CA4: variants seen among roughly 807,000 people sequenced by gnomAD.
CA4 encodes the protein carbonic anhydrase 4.
A neutral mutation model predicts 34.5 loss-of-function variants in CA4; 24 were observed. That is an observed-to-expected ratio of 0.70 (90% CI 0.50 to 0.98). The LOEUF (loss-of-function observed/expected upper bound fraction) is 0.98. Ranked by LOEUF, CA4 falls within the 50% of genes least tolerant of loss-of-function variation. CA4 has a pLI of 0.00. For synonymous variants in CA4, 178 were observed against 170.6 expected, an observed-to-expected ratio of 1.04 and a Z score of -0.34; for missense variants, 394 against 396.7, an observed-to-expected ratio of 0.99 and a Z score of 0.06.
chr17:60,163,787 AG>A (rs2083822356), downstream of CA4, among the ~76,000 whole-genome samples: 1 of 151,806 alleles, frequency 6.6e-6, no homozygotes, highest in Non-Finnish European at 1.5e-5. Flanking sequence ...AGCAGGACAC[AG>A]GGAAGGGATG....
At chr17:60,163,651 A>G (rs1733182703), downstream of CA4, among the ~76,000 whole-genome samples, 2 of 152,260 alleles carry the variant, frequency 1.3e-5, no homozygotes, top group African/African-American at 4.8e-5. Flanking sequence ...CTTCCTTTGG[A>G]GAAGAGCTGC....
chr17:60,168,950 T>A (rs1169170530), intron 5 of CA4, among the ~76,000 whole-genome samples: 2 of 152,086 alleles, frequency 1.3e-5, no homozygotes, highest in African/African-American at 4.8e-5. Context: ...ACAGCCAGTG[T>A]GGAAGCAGAT....
At position 60,159,427 on chromosome 17, in the gene CA4, G is replaced by T. The variant is rs779739325; in HGVS notation, c.*3G>T. On this transcript the variant is annotated 3_prime_UTR_variant, in exon 8 of 8. Transcript: ENST00000300900. ...TGCTGGCCGGCTTCCTGCGATGATGGCTCACTTCTGCACGCAGCCTCTCTG... is the reference window on the plus strand; with the variant it reads ...TGCTGGCCGGCTTCCTGCGATGATGTCTCACTTCTGCACGCAGCCTCTCTG... The T allele has an allele frequency of 1.9e-6, 3 of 1,610,426 alleles. No individual in the cohort carries two copies. Among genetic ancestry groups the T allele is most frequent in the Non-Finnish European group, 2.5e-6 (3 of 1,179,500 alleles).
rs768666298 is a variant in CA4, at chr17:60,158,163, G to T, written c.580+36G>T. ...ATGGGGGAGAAGGGCTTGGGGTGAG[G>T]GGGGGGATTCCTCCCACAAAGGAAG... On this transcript the variant is annotated intron_variant, in intron 6 of 7. Coordinates refer to ENST00000300900, the MANE Select transcript of CA4 (RefSeq NM_000717.5). 30 of 1,611,750 alleles carry T rather than the reference G, an allele frequency of 1.9e-5. No individual in the cohort carries two copies. In the Admixed American group the frequency reaches 3.2e-4, roughly 17 times the overall value.
At chr17:60,156,812 C>T in intron 3 of CA4, 97 bp downstream of exon 3, 2 of 1,134,724 alleles carry the variant, frequency 1.8e-6, no homozygotes, top group Non-Finnish European at 2.7e-6. Context: ...CAGACCCAGG[C>T]CCATCTGTGC....
intron 5 of CA4, among the ~76,000 whole-genome samples, chr17:60,167,425 C>T (rs1462156567): frequency 6.6e-6 from 1 of 152,210 alleles, no homozygotes; most frequent in Non-Finnish European, 1.5e-5. Context: ...CAGCAAGAGT[C>T]CCTGAGGAAA....
At chr17:60,178,715 T>TA in the CA4 span, among the ~76,000 whole-genome samples, 3 of 152,210 alleles carry the variant, frequency 2.0e-5, no homozygotes, top group Admixed American at 1.3e-4. Context: ...GGAAACAGTT[T>TA]AAAAAATAAA....
the CA4 span, among the ~76,000 whole-genome samples, chr17:60,177,702 T>G: frequency 6.6e-6 from 1 of 152,234 alleles, no homozygotes; most frequent in Non-Finnish European, 1.5e-5. Flanking sequence ...CTACTTGCAA[T>G]TATATTTTTT....
At chr17:60,175,157 T>C (rs930198025), downstream of CA4, among the ~76,000 whole-genome samples, 7 of 146,560 alleles carry the variant, frequency 4.8e-5, no homozygotes, top group African/African-American at 1.8e-4. Flanking sequence ...GTAGCTGGGA[T>C]GACTACAGGC....
In CA4 at chr17:60,157,788, G is replaced by A. The variant is rs368617056; in HGVS notation, c.513G>A (p.Glu171=). The A allele has an allele frequency of 6.8e-5, 109 of 1,611,358 alleles. No individual in the cohort carries two copies. Among genetic ancestry groups the A allele is most frequent in the Non-Finnish European group, 8.9e-5 (105 of 1,177,584 alleles). Residue 171 remains glutamate, a splice_region_variant and synonymous_variant, in exon 5 of 8, where the codon GAG becomes GAA. Coordinates refer to ENST00000300900, the MANE Select transcript of CA4 (RefSeq NM_000717.5). ...TTGCGGTGCTGGCCTTTCTGGTGGA[G>A]GTGGGACTCCCATCCCCCACTTCCC... The part of the protein sequence containing the change: ...DEIAVLAFLV[E]AGTQVNEGFQ...
Position 60,157,483 on chromosome 17 carries a change from T to C in CA4, c.325T>C (p.Tyr109His), listed in dbSNP as rs768048674. The C allele has an allele frequency of 2.5e-6, 4 of 1,614,154 alleles. No homozygotes were observed. The East Asian group carries it at 8.9e-5, about 36-fold the overall frequency. Residue 109 changes from tyrosine to histidine, a missense_variant, in exon 4 of 8, where the codon TAC (tyrosine) becomes CAC (histidine). Coordinates refer to ENST00000300900, the MANE Select transcript of CA4 (RefSeq NM_000717.5). Reference sequence around the variant, plus strand: ...TTCTGGAGGAGGACTGCCTGCCCCATACCAGGCCAAACAGTTGCACCTGCA... The same window carrying C: ...TTCTGGAGGAGGACTGCCTGCCCCACACCAGGCCAAACAGTTGCACCTGCA... The part of the protein sequence containing the change: ...SISGGGLPAP[Y>H]QAKQLHLHWS...
chr17:60,158,381 C>A lies in CA4; in HGVS notation c.679C>A (p.Pro227Thr). ...CCGCTACCTGGGCTCACTCACCACA[C>A]CGACCTGCGATGAGAAGGTCGTCTG... is the stretch of plus-strand genomic sequence containing the variant. ...YFRYLGSLTTPTCDEKVVWTV... is the reference protein window; with the variant it reads ...YFRYLGSLTTTTCDEKVVWTV... Residue 227 changes from proline to threonine, a missense_variant, in exon 7 of 8, where the codon CCG (proline) becomes ACG (threonine). Pro to Thr is a conservative substitution (Grantham distance 38). Coordinates refer to ENST00000300900, the MANE Select transcript of CA4 (RefSeq NM_000717.5). 1 of 1,614,180 alleles carries A rather than the reference C, an allele frequency of 6.2e-7. No homozygotes were observed. Among genetic ancestry groups the A allele is most frequent in the Non-Finnish European group, 8.5e-7 (1 of 1,180,010 alleles).
At chr17:60,155,224 C>T in intron 1 of CA4, 90 bp from the exon 2 acceptor site, 1 of 1,275,440 alleles carries the variant, frequency 7.8e-7, no homozygotes, top group Non-Finnish European at 1.1e-6. Context: ...GGGCTCCAAC[C>T]CCAGGGGTAG....
At chr17:60,162,949 C>T (rs1030289231), downstream of CA4, among the ~76,000 whole-genome samples, 4 of 152,188 alleles carry the variant, frequency 2.6e-5, no homozygotes, top group Admixed American at 6.5e-5. Context: ...CACCCATCTC[C>T]GCTGGTTGCT....
chr17:60,176,568 T>C, the CA4 span, among the ~76,000 whole-genome samples: 1 of 152,116 alleles, frequency 6.6e-6, no homozygotes, highest in Non-Finnish European at 1.5e-5. Flanking sequence ...TGCACAAAAA[T>C]GACCGTAGGA....
At chr17:60,170,469 TG>T (rs2083902676) in intron 5 of CA4, 1 of 152,292 alleles carries the variant, frequency 6.6e-6, no homozygotes. Flanking sequence ...CTACAGTCTT[TG>T]CTTGACTCAA....
chr17:60,157,543 A>C lies in CA4; in HGVS notation c.385A>C (p.Ser129Arg). The C allele has an allele frequency of 6.2e-7, 1 of 1,614,204 alleles. No individual in the cohort carries two copies. The highest frequency in any genetic ancestry group is 8.5e-7 in the Non-Finnish European group (1 of 1,180,016). ...SDLPYKGSEH[S>R]LDGEHFAMEM... Reference sequence around the variant, plus strand: ...CTTGCCATATAAGGGCTCGGAGCACAGCCTCGATGGGGAGCACTTTGCCAT... The same window carrying C: ...CTTGCCATATAAGGGCTCGGAGCACCGCCTCGATGGGGAGCACTTTGCCAT... The change falls in exon 4 of 8, where the codon AGC becomes CGC. Residue 129 changes from serine (S) to arginine (R), a missense_variant. By Grantham distance (110) the Ser-to-Arg change is moderately radical. Transcript: ENST00000300900.
chr17:60,156,484 G>A, intron 2 of CA4, 76 bp from the exon 3 acceptor site: 1 of 1,462,576 alleles, frequency 6.8e-7, no homozygotes, highest in East Asian at 2.3e-5. Flanking sequence ...GGGTGGGCCT[G>A]ACTTCAGTGG....
intron 1 of CA4, among the ~76,000 whole-genome samples, chr17:60,153,947 G>C (rs2083635300): frequency 6.6e-6 from 1 of 152,190 alleles, no homozygotes; most frequent in Non-Finnish European, 1.5e-5. Context: ...GCCCAAAGCA[G>C]CTCTTCGTGG....
Sources: gnomAD v4.1 joint callset for allele counts (sites outside exome capture counted in the v4.1 genomes callset) on GRCh38, gnomAD v4.1.1 for gene constraint, MANE v1.5 for transcripts, NCBI Gene and HGNC (gene_info 2026-07-23, HGNC 2026-07-21) for gene names.